CHD6: variants seen among roughly 807,000 people sequenced by gnomAD.
The protein encoded by CHD6 is chromodomain helicase DNA binding protein 6.
Under a neutral mutation model 276.9 loss-of-function variants are expected in CHD6, and 50 were observed. The observed-to-expected ratio is 0.18, with a 90% CI of 0.14 to 0.23. The LOEUF (loss-of-function observed/expected upper bound fraction) is 0.23, where lower values mean the gene tolerates loss of function less well. Among genes scored for constraint, CHD6 ranks in the 10% least tolerant of loss-of-function variants. The pLI is 1.00. For missense variants in CHD6, 2,564 were observed against 3,365.8 expected, an observed-to-expected ratio of 0.76 and a Z score of 5.89; for synonymous variants, 1,173 against 1,229.3, an observed-to-expected ratio of 0.95 and a Z score of 0.96.
intron 14 of CHD6, chr20:41,485,462 G>A (rs915806487): frequency 3.3e-5 from 5 of 152,168 alleles, no homozygotes; most frequent in Non-Finnish European, 5.9e-5. Flanking sequence ...AATTTAAAAG[G>A]GGTAGACTCT....
Position 41,420,905 on chromosome 20 carries a change from A to G in CHD6, c.5730T>C (p.Asp1910=). The G allele has an allele frequency of 6.2e-7, 1 of 1,614,118 alleles. No individual in the cohort carries two copies. The highest frequency in any genetic ancestry group is 8.5e-7 in the Non-Finnish European group (1 of 1,180,024). The change falls in exon 31 of 37, where the codon GAT becomes GAC. Residue 1910 remains aspartate, a synonymous_variant. Coordinates refer to ENST00000373233, the MANE Select transcript of CHD6 (RefSeq NM_032221.5). ...CCTCTAAGCTTCCTTTCTTGGTTTCATCTTGGAAGCCTTGGTTCTTTTCCC... is the reference window on the plus strand; with the variant it reads ...CCTCTAAGCTTCCTTTCTTGGTTTCGTCTTGGAAGCCTTGGTTCTTTTCCC... The part of the protein sequence containing the change: ...ISREKNQGFQ[D]ETKKGSLEVA...
intron 16 of CHD6, among the ~76,000 whole-genome samples, chr20:41,478,674 C>G (rs6129846): frequency 1.3e-5 from 2 of 152,194 alleles, no homozygotes; most frequent in Admixed American, 6.5e-5. Context: ...CACACTTGCT[C>G]GGGCCTGATT....
intron 1 of CHD6, among the ~76,000 whole-genome samples, chr20:41,575,242 T>C (rs2045462126): frequency 6.6e-6 from 1 of 152,214 alleles, no homozygotes; most frequent in Non-Finnish European, 1.5e-5. Context: ...TTTCAATAAA[T>C]CTCTGCTTTT....
intron 1 of CHD6, among the ~76,000 whole-genome samples, chr20:41,597,642 C>A (rs1456038206): frequency 6.6e-6 from 1 of 152,078 alleles, no homozygotes; most frequent in East Asian, 1.9e-4. Flanking sequence ...AAAGGCATCG[C>A]CCTCTCCAAA....
At chr20:41,471,716 T>C (rs1467938289) in intron 17 of CHD6, among the ~76,000 whole-genome samples, 2 of 151,978 alleles carry the variant, frequency 1.3e-5, no homozygotes, top group Non-Finnish European at 2.9e-5. Context: ...TTTGTATTTT[T>C]AGTAGAGACG....
intron 5 of CHD6, among the ~76,000 whole-genome samples, chr20:41,512,030 C>T (rs890756855): frequency 3.3e-5 from 5 of 152,018 alleles, no homozygotes; most frequent in Non-Finnish European, 7.4e-5. Flanking sequence ...TATAATGACG[C>T]GATCTTGGCT....
chr20:41,421,890 C>T lies in CHD6; in HGVS notation c.4745G>A (p.Arg1582Gln), dbSNP rs142788830. ...TTTGGCAGTGCCGATGAGCAGGTCT[C>T]GATCATGCTTCCCACACTCCCACCA... ...PVWWECGKHD[R>Q]DLLIGTAKHG... The change falls in exon 31 of 37, where the codon CGA becomes CAA. Residue 1582 changes from arginine (R) to glutamine (Q), a missense_variant. Physicochemically the swap from Arg to Gln is conservative, Grantham distance 43 (BLOSUM62 1). Coordinates refer to ENST00000373233, the MANE Select transcript of CHD6 (RefSeq NM_032221.5). The T allele has an allele frequency of 2.0e-5, 32 of 1,614,034 alleles. No homozygotes were observed. Among genetic ancestry groups the T allele is most frequent in the Middle Eastern group, 1.6e-4 (1 of 6,084 alleles).
intron 3 of CHD6, among the ~76,000 whole-genome samples, chr20:41,526,643 G>A (rs942196436): frequency 6.6e-6 from 1 of 152,188 alleles, no homozygotes; most frequent in Non-Finnish European, 1.5e-5. Flanking sequence ...GGATTTGGGA[G>A]AAAAATCTGC....
intron 3 of CHD6, among the ~76,000 whole-genome samples, chr20:41,524,315 T>G (rs1388967343): frequency 6.6e-6 from 1 of 152,232 alleles, no homozygotes; most frequent in Non-Finnish European, 1.5e-5. Flanking sequence ...AAGACCCTAA[T>G]TATTTTGGTA....
intron 6 of CHD6, among the ~76,000 whole-genome samples, chr20:41,498,790 T>C (rs1205310747): frequency 2.2e-5 from 2 of 92,374 alleles, no homozygotes; most frequent in Admixed American, 2.3e-4. Flanking sequence ...TGTATGTATG[T>C]ATGTATGTAT....
chr20:41,457,208 T>C (rs890426591), intron 18 of CHD6, 56 bp downstream of exon 18: 1 of 1,576,552 alleles, frequency 6.3e-7, no homozygotes. Context: ...GAGAAGCCTG[T>C]CTGGGCTGTG....
intron 14 of CHD6, among the ~76,000 whole-genome samples, chr20:41,487,235 C>T (rs371819470): frequency 1.1e-4 from 17 of 152,316 alleles, no homozygotes; most frequent in African/African-American, 3.6e-4. Flanking sequence ...TTCTTTTCCT[C>T]ACTACCTGTG....
At chr20:41,573,636 C>G (rs1479895061) in intron 1 of CHD6, among the ~76,000 whole-genome samples, 2 of 152,102 alleles carry the variant, frequency 1.3e-5, no homozygotes, top group African/African-American at 4.8e-5. Context: ...GAAGGTAACA[C>G]TAGCACACAA....
chr20:41,420,815 G>A lies in CHD6; in HGVS notation c.5820C>T (p.Cys1940=), dbSNP rs757661599. The change falls in exon 31 of 37, where the codon TGC becomes TGT. Residue 1940 remains cysteine (C), a synonymous_variant. Transcript: ENST00000373233. ...FPAPAACQCH[C]KHMERWMHGL... is the part of the protein sequence containing the mutation. The stretch of plus-strand genomic sequence containing the variant: ...CATGCATCCACCTCTCCATGTGTTT[G>A]CAGTGGCACTGACAGGCTGCTGGAG... The A allele has an allele frequency of 6.2e-7, 1 of 1,614,194 alleles. No homozygotes were observed. The highest frequency in any genetic ancestry group is 2.2e-5 in the East Asian group (1 of 44,882).
intron 4 of CHD6, 40 bp downstream of exon 4, chr20:41,514,765 G>A (rs1568662903): frequency 1.0e-5 from 16 of 1,606,672 alleles, no homozygotes; most frequent in East Asian, 2.2e-5. Context: ...TCCCATCCAG[G>A]AGCCGTAATC....
chr20:41,490,061 T>C (rs751828310), intron 11 of CHD6, 40 bp from the exon 12 acceptor site: 6 of 1,578,450 alleles, frequency 3.8e-6, no homozygotes, highest in Admixed American at 1.7e-5. Flanking sequence ...ATTATCAATA[T>C]AGGAAACTTA....
rs1303260535 is a variant in CHD6 at position 41,615,081 on chromosome 20, T to C, written c.-24+3259A>G. Among the ~76,000 whole-genome samples the C allele has an allele frequency of 4.6e-5, 7 of 152,192 alleles. No individual in the cohort carries two copies. In the East Asian group the frequency reaches 1.2e-3, roughly 25 times the overall value. ...TACGCTTGAGCTTTTAAAAAAAATC[T>C]TTAGAGAGAACTACTGGTGAAAAGG... is the stretch of plus-strand genomic sequence containing the variant. On this transcript the variant is annotated intron_variant, in intron 1 of 36. Transcript: ENST00000373233.
chr20:41,492,312 A>G (rs908401995), intron 10 of CHD6, among the ~76,000 whole-genome samples: 1 of 152,244 alleles, frequency 6.6e-6, no homozygotes, highest in African/African-American at 2.4e-5. Context: ...ATAATCAACC[A>G]TGCAAACAAA....
chr20:41,487,552 C>T, intron 14 of CHD6, 113 bp downstream of exon 14: 2 of 1,026,568 alleles, frequency 1.9e-6, no homozygotes, highest in Non-Finnish European at 2.9e-6. Context: ...AGGTAACGCT[C>T]ATTTTACCAG....
Sources: gnomAD v4.1 joint callset for allele counts (sites outside exome capture counted in the v4.1 genomes callset) on GRCh38, gnomAD v4.1.1 for gene constraint, MANE v1.5 for transcripts, NCBI Gene and HGNC (gene_info 2026-07-23, HGNC 2026-07-21) for gene names.